TYW1B: variants seen among roughly 807,000 people sequenced by gnomAD.
TYW1B encodes the protein tRNA-yW synthesizing protein 1 homolog B.
In TYW1B, 73 loss-of-function variants were observed where a neutral mutation model predicts 86.9. That is an observed-to-expected ratio of 0.84 (90% confidence interval 0.70 to 1.02). The LOEUF is 1.02. Ranked by LOEUF, TYW1B falls within the 50% of genes least tolerant of loss-of-function variation. The pLI is 0.00. For synonymous variants in TYW1B, 248 were observed against 292.8 expected, an observed-to-expected ratio of 0.85 and a Z score of 1.56; for missense variants, 637 against 827.4, an observed-to-expected ratio of 0.77 and a Z score of 2.82.
chr7:72,695,914 G>C (rs1554451384), intron 10 of TYW1B, among the ~76,000 whole-genome samples: 1 of 150,014 alleles, frequency 6.7e-6, no homozygotes, highest in Non-Finnish European at 1.5e-5. Context: ...TTTCTTGCAA[G>C]TTATACATTA....
intron 8 of TYW1B, among the ~76,000 whole-genome samples, chr7:72,733,846 AT>A (rs1292518805): frequency 2.6e-5 from 4 of 152,160 alleles, no homozygotes; most frequent in African/African-American, 9.7e-5. Context: ...CACCAAAGAC[AT>A]TTTTCACAGA....
Position 72,729,493 on chromosome 7 carries a change from G to A in TYW1B, c.1083-562C>T, listed in dbSNP as rs1312752272. On this transcript the variant is annotated intron_variant, in intron 8 of 13. Transcript: ENST00000620995. ...AAAGCCCCTGTATCTCCATATTCCT[G>A]AGGTTCCACTGCCATCACTCCATGG... 2.0e-5 allele frequency among the ~76,000 whole-genome samples: 3 copies of A among 152,006 alleles called. No homozygotes were observed. In the East Asian group the frequency reaches 5.8e-4, roughly 29 times the overall value.
At chr7:72,579,265 G>C (rs1811094397) in intron 13 of TYW1B, among the ~76,000 whole-genome samples, 1 of 152,038 alleles carries the variant, frequency 6.6e-6, no homozygotes, top group Non-Finnish European at 1.5e-5. Context: ...GGTTTCTTTT[G>C]ACTCTAAAAC....
chr7:72,769,389 A>T (rs1787828570), intron 7 of TYW1B, among the ~76,000 whole-genome samples: 1 of 152,218 alleles, frequency 6.6e-6, no homozygotes, highest in Non-Finnish European at 1.5e-5. Flanking sequence ...CATCTAAAAG[A>T]GTAAGAGACT....
intron 13 of TYW1B, among the ~76,000 whole-genome samples, chr7:72,601,936 A>G (rs1301267658): frequency 3.9e-5 from 6 of 152,162 alleles, no homozygotes; most frequent in Admixed American, 2.0e-4. Flanking sequence ...GGGCATTTTT[A>G]GGGCAGAAAA....
chr7:72,782,769 G>A (rs1387373642), intron 6 of TYW1B, among the ~76,000 whole-genome samples: 3 of 151,986 alleles, frequency 2.0e-5, no homozygotes, highest in Admixed American at 6.6e-5. Context: ...TTCAGCTACT[G>A]GGGAGGCTGA....
chr7:72,614,825 A>G (rs1554436552), intron 13 of TYW1B, among the ~76,000 whole-genome samples: 1 of 152,186 alleles, frequency 6.6e-6, no homozygotes, highest in African/African-American at 2.4e-5. Context: ...TGTGTTAACA[A>G]TGTATTAACA....
chr7:72,690,257 G>A (rs1814113494), intron 11 of TYW1B, among the ~76,000 whole-genome samples: 1 of 152,140 alleles, frequency 6.6e-6, no homozygotes, highest in African/African-American at 2.4e-5. Context: ...AAAGTTTACT[G>A]CTAAAAGCTG....
chr7:72,676,954 T>C (rs1254048660), intron 11 of TYW1B, among the ~76,000 whole-genome samples: 1 of 151,634 alleles, frequency 6.6e-6, no homozygotes, highest in African/African-American at 2.4e-5. Context: ...CGAGAGACTG[T>C]CTCAAAAAAA....
At chr7:72,632,401 AT>A (rs566584420) in intron 11 of TYW1B, among the ~76,000 whole-genome samples, 10,004 of 98,188 alleles carry the variant, frequency 0.1, 1,168 homozygotes, top group African/African-American at 0.26. Context: ...TATATATATA[AT>A]ATATATATAC....
At chr7:72,729,364 G>C (rs1173567607) in intron 8 of TYW1B, among the ~76,000 whole-genome samples, 1 of 152,038 alleles carries the variant, frequency 6.6e-6, no homozygotes, top group Admixed American at 6.6e-5. Flanking sequence ...CCTGATGCAG[G>C]CCTGGGGAAA....
intron 6 of TYW1B, among the ~76,000 whole-genome samples, chr7:72,797,518 A>G (rs1788325019): frequency 6.6e-6 from 1 of 152,132 alleles, no homozygotes; most frequent in African/African-American, 2.4e-5. Flanking sequence ...TGCAACCTAG[A>G]TCAGCCTGGG....
At chr7:72,730,367 C>A (rs2129571045) in intron 8 of TYW1B, among the ~76,000 whole-genome samples, 2 of 150,154 alleles carry the variant, frequency 1.3e-5, no homozygotes, top group Middle Eastern at 6.8e-3. Flanking sequence ...ATGAGAAATT[C>A]AACAGAGATA....
At chr7:72,685,959 C>G (rs1813998118) in intron 11 of TYW1B, among the ~76,000 whole-genome samples, 1 of 152,006 alleles carries the variant, frequency 6.6e-6, no homozygotes. Context: ...AATGAACAAC[C>G]CAATTAAAAA....
chr7:72,741,828 G>A (rs1263566898), intron 8 of TYW1B, among the ~76,000 whole-genome samples: 1 of 152,122 alleles, frequency 6.6e-6, no homozygotes, highest in Admixed American at 6.6e-5. Context: ...GAAGGCAGTG[G>A]GAGAGTACAT....
chr7:72,703,935 A>T (rs1396734973), intron 10 of TYW1B, among the ~76,000 whole-genome samples: 1 of 150,450 alleles, frequency 6.6e-6, no homozygotes, highest in Non-Finnish European at 1.5e-5. Flanking sequence ...TATTTCTGTG[A>T]TATAGGTTAA....
chr7:72,736,642 C>T (rs1345677517), intron 8 of TYW1B, among the ~76,000 whole-genome samples: 6 of 152,148 alleles, frequency 3.9e-5, no homozygotes, highest in Non-Finnish European at 5.9e-5. Context: ...ATATTCCCTC[C>T]GGCCCTAGGC....
At chr7:72,607,237 A>T (rs3015878) in intron 13 of TYW1B, among the ~76,000 whole-genome samples, 2 of 151,502 alleles carry the variant, frequency 1.3e-5, no homozygotes, top group African/African-American at 2.4e-5. Context: ...TAATAAAAAT[A>T]AAAAAATTAG....
chr7:72,810,738 A>G (rs1191719160), intron 3 of TYW1B, 73 bp from the exon 4 acceptor site: 11 of 1,514,576 alleles, frequency 7.3e-6, no homozygotes, highest in Middle Eastern at 1.8e-4. Context: ...ATCCTTTGAA[A>G]AAAAGCATAC....
Sources: allele counts gnomAD v4.1 joint callset (sites outside exome capture counted in the v4.1 genomes callset), GRCh38; gene constraint gnomAD v4.1.1; transcripts MANE v1.5; gene names NCBI Gene and HGNC (gene_info 2026-07-23, HGNC 2026-07-21).